The following DYTN variants were observed in gnomAD, a reference collection of about 807,000 sequenced individuals.
DYTN encodes the protein dystrotelin.
In DYTN, 75 loss-of-function variants were observed where a neutral mutation model predicts 69.6. The ratio of observed to expected loss-of-function variants is 1.08; its 90% CI spans 0.89 to 1.31. The LOEUF is 1.31. Ranked by LOEUF, DYTN falls within the 50% of genes most tolerant of loss-of-function variation. The probability of loss-of-function intolerance (pLI) is 0.00; values close to 1 mark genes in which losing one functional copy is unlikely to be tolerated. For synonymous variants in DYTN, 252 were observed against 249.1 expected, an observed-to-expected ratio of 1.01 and a Z score of -0.11; for missense variants, 726 against 688.4, an observed-to-expected ratio of 1.05 and a Z score of -0.61.
chr2:206,662,032 G>C (rs1699517987), intron 11 of DYTN, among the ~76,000 whole-genome samples: 1 of 152,234 alleles, frequency 6.6e-6, no homozygotes, highest in Admixed American at 6.5e-5. Flanking sequence ...GGCAGCAGCA[G>C]TGAGCCACAG....
intron 9 of DYTN, among the ~76,000 whole-genome samples, chr2:206,667,631 T>C (rs1330484584): frequency 6.6e-6 from 1 of 152,082 alleles, no homozygotes; most frequent in Non-Finnish European, 1.5e-5. Context: ...ATTTTACTTA[T>C]ATATTACCTA....
rs775527442 is a variant in DYTN, at chr2:206,663,250, G to A, written c.1286C>T (p.Pro429Leu). The part of the protein sequence containing the change: ...NATEDASTGE[P>L]LPKLDEVDRS... Reference sequence around the variant, plus strand: ...GTCAACCTCATCAAGCTTAGGAAGAGGTTCCCCTGTTGAAGCATCTTCAGT... The same window carrying A: ...GTCAACCTCATCAAGCTTAGGAAGAAGTTCCCCTGTTGAAGCATCTTCAGT... Residue 429 changes from proline to leucine, a missense_variant, in exon 11 of 12, where the codon CCT becomes CTT. By Grantham distance (98) the Pro-to-Leu change is moderately conservative. Coordinates refer to ENST00000452335, the MANE Select transcript of DYTN (RefSeq NM_001093730.1). 1.9e-6 allele frequency: 3 copies of A among 1,613,912 alleles called. No homozygotes were observed. The East Asian group carries it at 6.7e-5, about 36-fold the overall frequency.
chr2:206,663,784 G>C (rs774282833), intron 10 of DYTN, among the ~76,000 whole-genome samples: 14 of 152,154 alleles, frequency 9.2e-5, no homozygotes, highest in Admixed American at 3.9e-4. Flanking sequence ...GTTGTGAAGG[G>C]TTTCACAGTA....
chr2:206,693,361 C>G, intron 8 of DYTN, 38 bp from the exon 9 acceptor site: 1 of 1,600,950 alleles, frequency 6.2e-7, no homozygotes, highest in Non-Finnish European at 8.5e-7. Flanking sequence ...AGCGTCAGAT[C>G]AGTCTACGTG....
intron 9 of DYTN, among the ~76,000 whole-genome samples, chr2:206,671,463 G>A (rs1229469859): frequency 2.0e-5 from 3 of 152,128 alleles, no homozygotes; most frequent in African/African-American, 7.2e-5. Context: ...CAGCTTCCAC[G>A]TGCATAGCAT....
chr2:206,707,639 G>T, intron 2 of DYTN, 136 bp from the exon 3 acceptor site: 1 of 812,312 alleles, frequency 1.2e-6, no homozygotes, highest in Non-Finnish European at 1.9e-6. Context: ...AATGAAATAT[G>T]ACTACTATTT....
rs74329975 is a variant in DYTN, at chr2:206,672,288, A to G, written c.981-6259T>C. ...TAAGATAGGATGTAGCAACTTTAAT[A>G]ATGAAGGTGAGAGGGAAGTAAAAGA... On this transcript the variant is annotated intron_variant, in intron 9 of 11. Transcript: ENST00000452335. Among the ~76,000 whole-genome samples, 51 of 152,356 alleles carry G rather than the reference A, an allele frequency of 3.3e-4. No individual in the cohort carries two copies. The East Asian group carries it at 7.3e-3, about 22-fold the overall frequency.
intron 9 of DYTN, chr2:206,670,340 A>G (rs1574590097): frequency 6.6e-6 from 1 of 152,246 alleles, no homozygotes; most frequent in East Asian, 1.9e-4. Flanking sequence ...TAACCTTCAT[A>G]TTGGAATCAC....
intron 3 of DYTN, among the ~76,000 whole-genome samples, chr2:206,706,900 TA>T (rs199983044): frequency 0.013 from 1,514 of 119,662 alleles, 14 homozygotes; most frequent in African/African-American, 0.034. Context: ...TTATTCTAGC[TA>T]AAAAAAAAAA....
intron 1 of DYTN, among the ~76,000 whole-genome samples, chr2:206,713,232 AT>A (rs1700095499): frequency 6.6e-6 from 1 of 152,294 alleles, no homozygotes; most frequent in South Asian, 2.1e-4. Flanking sequence ...CCACATATTT[AT>A]TTTTTGTGGT....
chr2:206,654,643 C>T (rs1272680430), intron 11 of DYTN, among the ~76,000 whole-genome samples: 1 of 152,144 alleles, frequency 6.6e-6, no homozygotes, highest in East Asian at 1.9e-4. Flanking sequence ...TTTTACATTG[C>T]TCAAGGGTCA....
intron 11 of DYTN, among the ~76,000 whole-genome samples, chr2:206,652,242 T>G (rs1699395867): frequency 6.6e-6 from 1 of 152,140 alleles, no homozygotes; most frequent in African/African-American, 2.4e-5. Context: ...GAAAACAGAT[T>G]TCTGGACCAC....
At chr2:206,660,619 C>A (rs560425114) in intron 11 of DYTN, among the ~76,000 whole-genome samples, 4 of 152,232 alleles carry the variant, frequency 2.6e-5, no homozygotes, top group Non-Finnish European at 4.4e-5. Context: ...GAATACTCAT[C>A]ATGACCCCAA....
intron 11 of DYTN, among the ~76,000 whole-genome samples, chr2:206,652,286 G>T (rs555066749): frequency 6.6e-6 from 1 of 152,128 alleles, no homozygotes; most frequent in Admixed American, 6.5e-5. Context: ...CAGGTGGGAC[G>T]GAGCCTGAGC....
chr2:206,716,250 C>T (rs1460657948), intron 1 of DYTN, among the ~76,000 whole-genome samples: 2 of 152,124 alleles, frequency 1.3e-5, no homozygotes. Flanking sequence ...ACATAAGATA[C>T]TGAGTGCCAG....
chr2:206,707,196 C>T (rs1435920335), intron 3 of DYTN, 106 bp downstream of exon 3: 1 of 1,368,312 alleles, frequency 7.3e-7, no homozygotes, highest in Non-Finnish European at 1.0e-6. Context: ...AAGAAGACTT[C>T]TTATATACCA....
Position 206,699,876 on chromosome 2 carries a change from T to C in DYTN, c.570A>G (p.Ala190=). 1 of 1,613,324 alleles carries C rather than the reference T, an allele frequency of 6.2e-7. No individual in the cohort carries two copies. The highest frequency in any genetic ancestry group is 2.2e-5 in the East Asian group (1 of 44,858). Reference sequence around the variant, plus strand: ...AAGACAGGAATTTTTCTTCTTTGATTGCTGGGCTCAACACCTGAAAAACAA... The same window carrying C: ...AAGACAGGAATTTTTCTTCTTTGATCGCTGGGCTCAACACCTGAAAAACAA... ...RSCFQGVLSP[A]IKEEKFLSWV... The change falls in exon 7 of 12, where the codon GCA becomes GCG. Residue 190 remains alanine, a synonymous_variant. Transcript: ENST00000452335.
intron 9 of DYTN, among the ~76,000 whole-genome samples, chr2:206,671,817 A>G (rs1331046725): frequency 6.6e-6 from 1 of 152,248 alleles, no homozygotes; most frequent in Admixed American, 6.5e-5. Context: ...ATTTCAGGTT[A>G]GTGCAAATGG....
At chr2:206,669,011 C>T (rs1362619940) in intron 9 of DYTN, among the ~76,000 whole-genome samples, 3 of 152,188 alleles carry the variant, frequency 2.0e-5, no homozygotes, top group Admixed American at 2.0e-4. Flanking sequence ...GTCAATTAAA[C>T]CTGTTTGCTT....
Sources: allele counts gnomAD v4.1 joint callset (sites outside exome capture counted in the v4.1 genomes callset), GRCh38; gene constraint gnomAD v4.1.1; transcripts MANE v1.5; gene names NCBI Gene and HGNC (gene_info 2026-07-23, HGNC 2026-07-21).